Variants in AKAP13 observed in about 807,000 individuals in gnomAD.
The protein encoded by AKAP13 is A-kinase anchor protein 13.
AKAP13 carries 80 observed loss-of-function variants against 264.5 expected under a neutral mutation model. That is an observed-to-expected ratio of 0.30 (90% CI 0.25 to 0.36). The LOEUF (loss-of-function observed/expected upper bound fraction) is 0.36. AKAP13 is among the 10% of genes least tolerant of loss of function. The probability of loss-of-function intolerance (pLI) is 1.00; values close to 1 mark genes in which losing one functional copy is unlikely to be tolerated. For synonymous variants in AKAP13, 1,380 were observed against 1,250.2 expected, an observed-to-expected ratio of 1.10 and a Z score of -2.19; for missense variants, 3,712 against 3,435.2, an observed-to-expected ratio of 1.08 and a Z score of -2.01.
intron 8 of AKAP13, among the ~76,000 whole-genome samples, chr15:85,596,944 G>T (rs2079847457): frequency 6.6e-6 from 1 of 152,160 alleles, no homozygotes; most frequent in Non-Finnish European, 1.5e-5. Flanking sequence ...AAAAAACATG[G>T]TGGAGAGGCT....
chr15:85,463,656 C>G (rs1439109702), intron 1 of AKAP13, among the ~76,000 whole-genome samples: 2 of 152,122 alleles, frequency 1.3e-5, no homozygotes, highest in Non-Finnish European at 2.9e-5. Flanking sequence ...CTTTCCTTTC[C>G]TGCTACCCTC....
chr15:85,492,138 G>A lies in AKAP13; in HGVS notation c.33+6385G>A, dbSNP rs1054333131. On this transcript the variant is annotated intron_variant, in intron 2 of 36. Coordinates refer to ENST00000394518, the MANE Select transcript of AKAP13 (RefSeq NM_007200.5). ...ATAGCACTTAATATTATAGAGACTT[G>A]CAGAAATAAAATCCTTTTAAAGAAT... Among the ~76,000 whole-genome samples the A allele has an allele frequency of 2.6e-5, 4 of 152,188 alleles. No individual in the cohort carries two copies. In the East Asian group the frequency reaches 7.7e-4, roughly 29 times the overall value.
chr15:85,599,067 A>G (rs1176004335), intron 8 of AKAP13, among the ~76,000 whole-genome samples: 3 of 152,210 alleles, frequency 2.0e-5, no homozygotes, highest in Non-Finnish European at 4.4e-5. Context: ...AAAGGAGGGA[A>G]ATAGAGCTCT....
chr15:85,556,254 G>T lies in AKAP13; in HGVS notation c.662+12299G>T, dbSNP rs58237059. Among the ~76,000 whole-genome samples the T allele has an allele frequency of 6.5e-3, 987 of 152,146 alleles. 7 individuals carry two copies. Among genetic ancestry groups the T allele is most frequent in the Non-Finnish European group, 0.011 (714 of 67,994 alleles). On this transcript the variant is annotated intron_variant, in intron 5 of 36. Coordinates refer to ENST00000394518, the MANE Select transcript of AKAP13 (RefSeq NM_007200.5). Reference sequence around the variant, plus strand: ...CCAACAACATAGTCATTTTATTATCGCTATCAAATATGTACCGTACATAAT... The same window carrying T: ...CCAACAACATAGTCATTTTATTATCTCTATCAAATATGTACCGTACATAAT...
At chr15:85,676,683 C>G (rs338514) in intron 14 of AKAP13, among the ~76,000 whole-genome samples, 11,492 of 152,156 alleles carry the variant, frequency 0.076, 755 homozygotes, top group East Asian at 0.36. Context: ...AACATCACTA[C>G]TAGATGTTTT....
intron 1 of AKAP13, among the ~76,000 whole-genome samples, chr15:85,392,734 A>G (rs947678983): frequency 3.1e-4 from 47 of 152,090 alleles, no homozygotes; most frequent in African/African-American, 1.1e-3. Flanking sequence ...AGTCCATAAC[A>G]GTTCCTGGAA....
chr15:85,592,421 A>G (rs1027655308), intron 8 of AKAP13, among the ~76,000 whole-genome samples: 9 of 152,222 alleles, frequency 5.9e-5, no homozygotes, highest in African/African-American at 1.9e-4. Context: ...CTGATATTCA[A>G]AATGGCTTGT....
At chr15:85,499,068 A>G (rs1396489486) in intron 2 of AKAP13, among the ~76,000 whole-genome samples, 1 of 152,208 alleles carries the variant, frequency 6.6e-6, no homozygotes, top group African/African-American at 2.4e-5. Flanking sequence ...GGTTGCCTGT[A>G]AAGATGCATG....
At chr15:85,522,944 G>A (rs879914446) in intron 3 of AKAP13, among the ~76,000 whole-genome samples, 2 of 40,244 alleles carry the variant, frequency 5.0e-5, no homozygotes, top group African/African-American at 1.8e-4. Context: ...TCCCCCCGTC[G>A]CCCCCATCCC....
chr15:85,676,907 T>G, intron 14 of AKAP13: 6 of 983,496 alleles, frequency 6.1e-6, no homozygotes, highest in Non-Finnish European at 7.2e-6. Context: ...TTATGCTGTT[T>G]CCCCATGTGC....
At position 85,693,397 on chromosome 15, in the gene AKAP13, A is replaced by G; in HGVS notation, c.5410A>G (p.Ser1804Gly). 2.5e-6 allele frequency: 4 copies of G among 1,613,880 alleles called. No individual in the cohort carries two copies. The highest frequency in any genetic ancestry group is 3.4e-6 in the Non-Finnish European group (4 of 1,179,940). ...TTCCATTCCTGTTGTGGGTCCCATCAGCTGTAGCCAGTGTATGAAGCCCTT... is the reference window on the plus strand; with the variant it reads ...TTCCATTCCTGTTGTGGGTCCCATCGGCTGTAGCCAGTGTATGAAGCCCTT... ...FSSIPVVGPI[S>G]CSQCMKPFTN... is the part of the protein sequence containing the mutation. Residue 1804 changes from serine to glycine, a missense_variant, in exon 17 of 37, where the codon AGC becomes GGC. Ser to Gly is a moderately conservative substitution (Grantham distance 56). Coordinates refer to ENST00000394518, the MANE Select transcript of AKAP13 (RefSeq NM_007200.5).
chr15:85,540,243 G>A (rs1017746400), intron 4 of AKAP13, among the ~76,000 whole-genome samples: 4 of 152,156 alleles, frequency 2.6e-5, no homozygotes, highest in Non-Finnish European at 5.9e-5. Flanking sequence ...GCACAGGCTA[G>A]TGCTGTCCTC....
At chr15:85,543,539 C>T (rs1265639718) in intron 4 of AKAP13, among the ~76,000 whole-genome samples, 5 of 152,090 alleles carry the variant, frequency 3.3e-5, no homozygotes, top group African/African-American at 4.8e-5. Flanking sequence ...GGACTGTGTT[C>T]GATTGAAGAT....
At chr15:85,564,177 G>T (rs2078521665) in intron 5 of AKAP13, among the ~76,000 whole-genome samples, 1 of 152,082 alleles carries the variant, frequency 6.6e-6, no homozygotes, top group Non-Finnish European at 1.5e-5. Flanking sequence ...AATAACAGAA[G>T]AATGAAGCAA....
intron 29 of AKAP13, among the ~76,000 whole-genome samples, chr15:85,729,335 T>C (rs1163049641): frequency 6.6e-6 from 1 of 151,462 alleles, no homozygotes; most frequent in East Asian, 1.9e-4. Context: ...GTCTGGTCGG[T>C]TGGTGGTAGG....
intron 12 of AKAP13, among the ~76,000 whole-genome samples, chr15:85,664,322 T>A (rs2083486155): frequency 6.6e-6 from 1 of 152,212 alleles, no homozygotes; most frequent in Non-Finnish European, 1.5e-5. Context: ...CTTAGGTGGT[T>A]CAACATTTGG....
rs3223062 is a variant in AKAP13 at position 85,702,239 on chromosome 15, T to TCACACA, written c.5465-5753_5465-5748dup. On this transcript the variant is annotated intron_variant, in intron 17 of 36. Coordinates refer to ENST00000394518, the MANE Select transcript of AKAP13 (RefSeq NM_007200.5). ...TTCAGCCTGGGTGACAGAGCAAGAC[T>TCACACA]CACACACACACACACACACACACAC... The TCACACA allele has an allele frequency of 5.3e-3, 780 of 146,710 alleles. 2 individuals carry two copies. The highest frequency in any genetic ancestry group is 7.1e-3 in the Non-Finnish European group (472 of 66,534). 9.1% of individuals were successfully genotyped at this position (146,710 alleles called of 1,614,324 possible).
chr15:85,506,728 A>G (rs2076235519), intron 2 of AKAP13, among the ~76,000 whole-genome samples: 2 of 152,200 alleles, frequency 1.3e-5, no homozygotes, highest in Admixed American at 1.3e-4. Flanking sequence ...TATATAAAAC[A>G]GTTGTTTATG....
intron 13 of AKAP13, among the ~76,000 whole-genome samples, chr15:85,667,539 A>G (rs180678678): frequency 1.3e-5 from 2 of 152,238 alleles, no homozygotes; most frequent in African/African-American, 4.8e-5. Context: ...TTTAAAATAA[A>G]TTGCATTTCA....
Sources: gnomAD v4.1 joint callset for allele counts (sites outside exome capture counted in the v4.1 genomes callset) on GRCh38, gnomAD v4.1.1 for gene constraint, MANE v1.5 for transcripts, NCBI Gene and HGNC (gene_info 2026-07-23, HGNC 2026-07-21) for gene names.